ORC1: variants seen among roughly 807,000 people sequenced by gnomAD.
ORC1 encodes origin recognition complex subunit 1.
A neutral mutation model predicts 98.9 loss-of-function variants in ORC1; 61 were observed. That is an observed-to-expected ratio of 0.62 (90% CI 0.50 to 0.76). ORC1 has a LOEUF of 0.76. Ranked by LOEUF, ORC1 falls within the 30% of genes least tolerant of loss-of-function variation. ORC1 has a pLI of 0.00. For missense variants in ORC1, 979 were observed against 1,072.2 expected (o/e 0.91, Z 1.21); for synonymous variants, 385 against 406.9 (o/e 0.95, Z 0.65).
chr1:52,393,810 G>A lies in ORC1; in HGVS notation c.722-7C>T, dbSNP rs746570056. 2 of 1,611,370 alleles carry A rather than the reference G, an allele frequency of 1.2e-6. No homozygotes were observed. The highest frequency in any genetic ancestry group is 1.7e-6 in the Non-Finnish European group (2 of 1,179,950). ...ATCTGAGGGTTACCTAAGTCTAAGA[G>A]AAATCATCACAATGTGTAAATTTTT... On this transcript the variant is annotated splice_polypyrimidine_tract_variant and splice_region_variant and intron_variant, in intron 5 of 16. Coordinates refer to ENST00000371568, the MANE Select transcript of ORC1 (RefSeq NM_004153.4).
upstream of ORC1, chr1:52,404,899 G>A (rs1647927957): frequency 6.2e-7 from 1 of 1,612,296 alleles, no homozygotes; most frequent in Non-Finnish European, 8.5e-7. Flanking sequence ...AGCGCGCGGA[G>A]CGCCTCTCAG....
chr1:52,399,573 G>A (rs1360927183), intron 3 of ORC1, among the ~76,000 whole-genome samples: 3 of 143,622 alleles, frequency 2.1e-5, no homozygotes, highest in African/African-American at 5.3e-5. Flanking sequence ...GCAGTGAGCC[G>A]AGATGGCGCC....
rs2147937505 is a variant in ORC1, at chr1:52,393,492, A to G, written c.1033T>C (p.Ser345Pro). Residue 345 changes from serine (S) to proline (P), a missense_variant, in exon 6 of 17, where the codon TCT (serine) becomes CCT (proline). Physicochemically the swap from Ser to Pro is moderately conservative, Grantham distance 74. Transcript: ENST00000371568. The part of the protein sequence containing the change: ...TLTPISGGQR[S>P]SVVPSVILKP... ...AGAATCACGGATGGCACCACTGAAG[A>G]TCTCTGTCCCCCACTGATAGGGGTA... 1 of 1,614,138 alleles carries G rather than the reference A, an allele frequency of 6.2e-7. No individual in the cohort carries two copies. The highest frequency in any genetic ancestry group is 8.5e-7 in the Non-Finnish European group (1 of 1,180,022).
intron 4 of ORC1, 24 bp from the exon 5 acceptor site, chr1:52,396,388 G>A (rs768135285): frequency 1.2e-6 from 2 of 1,613,946 alleles, no homozygotes; most frequent in South Asian, 2.2e-5. Flanking sequence ...GTATAGATAA[G>A]TAGGAAGAGA....
At chr1:52,401,550 C>G in intron 2 of ORC1, 61 bp from the exon 3 acceptor site, 1 of 1,590,626 alleles carries the variant, frequency 6.3e-7, no homozygotes, top group Non-Finnish European at 8.6e-7. Flanking sequence ...CTCTTCAGAT[C>G]CCCTGGGCAC....
chr1:52,399,623 C>CAAAAAAAAAA (rs1198516466), intron 3 of ORC1, among the ~76,000 whole-genome samples: 6 of 64,062 alleles, frequency 9.4e-5, no homozygotes, highest in Admixed American at 3.8e-4. Flanking sequence ...GACTCTGTCT[C>CAAAAAAAAAA]AAAAAAAAAA....
chr1:52,394,709 C>T (rs1349803383), intron 5 of ORC1, among the ~76,000 whole-genome samples: 1 of 152,138 alleles, frequency 6.6e-6, no homozygotes, highest in Non-Finnish European at 1.5e-5. Context: ...AGTGCAATAG[C>T]GTGATCTCAG....
At chr1:52,390,121 T>C (rs903259810) in intron 6 of ORC1, among the ~76,000 whole-genome samples, 1 of 152,168 alleles carries the variant, frequency 6.6e-6, no homozygotes, top group East Asian at 1.9e-4. Context: ...GCAAAAGCAA[T>C]CTACAGATTC....
At position 52,385,247 on chromosome 1, in the gene ORC1, A is replaced by G; in HGVS notation, c.1497T>C (p.Ala499=). 1.2e-6 allele frequency: 2 copies of G among 1,613,026 alleles called. No homozygotes were observed. The highest frequency in any genetic ancestry group is 2.2e-5 in the South Asian group (2 of 91,066). Residue 499 remains alanine (A), a synonymous_variant, in exon 10 of 17, where the codon GCT becomes GCC. Coordinates refer to ENST00000371568, the MANE Select transcript of ORC1 (RefSeq NM_004153.4). ...CCCGACAGGGAAGAGACTCAGGTAC[A>G]GCAGAAACATGCAGCCTACCATTGG... ...EEARLRLHVS[A]VPESLPCREQ...
At chr1:52,396,500 A>G (rs1023389761) in intron 4 of ORC1, 136 bp from the exon 5 acceptor site, 2 of 1,001,572 alleles carry the variant, frequency 2.0e-6, no homozygotes, top group South Asian at 1.4e-5. Flanking sequence ...CTAAAGACGC[A>G]TAGACATGGC....
Position 52,383,898 on chromosome 1 carries a change from C to T in ORC1, c.1795G>A (p.Glu599Lys). Residue 599 changes from glutamate to lysine, a missense_variant, in exon 12 of 17, where the codon GAA becomes AAA. By Grantham distance (56) the Glu-to-Lys change is moderately conservative (BLOSUM62 1). Transcript: ENST00000371568. The stretch of plus-strand genomic sequence containing the variant: ...GTGCAGAATTGCTTTGCCAGCAGTT[C>T]TGCCGCATGGTTGGCTGTTGCTTTT... ...GQKATANHAA[E>K]LLAKQFCTRG... 6.2e-7 allele frequency: 1 copy of T among 1,614,204 alleles called. No individual in the cohort carries two copies. Among genetic ancestry groups the T allele is most frequent in the East Asian group, 2.2e-5 (1 of 44,880 alleles).
In ORC1 at chr1:52,374,846, G is replaced by T; in HGVS notation, c.2355C>A (p.Phe785Leu). The change falls in exon 16 of 17, where the codon TTC (phenylalanine) becomes TTA (leucine). Residue 785 changes from phenylalanine (F) to leucine (L), a missense_variant. By Grantham distance (22) the Phe-to-Leu change is conservative (BLOSUM62 0). Transcript: ENST00000371568. The part of the protein sequence containing the change: ...QSFLRAILAE[F>L]RRSGLEEATF... ...TGGCTTCCTCCAGTCCTGATCGACG[G>T]AACTCTGCGAGGATGGCTCTCAGGA... is the stretch of plus-strand genomic sequence containing the variant. 6.2e-7 allele frequency: 1 copy of T among 1,613,910 alleles called. No homozygotes were observed.
At chr1:52,389,461 C>T (rs1160379151) in intron 6 of ORC1, 140 bp from the exon 7 acceptor site, 1 of 684,740 alleles carries the variant, frequency 1.5e-6, no homozygotes, top group African/African-American at 1.8e-5. Context: ...TTTCTTTCTG[C>T]TAAAAAGTTG....
At position 52,373,212 on chromosome 1, in the gene ORC1, T is replaced by A; in HGVS notation, c.2555A>T (p.Asp852Val). 1 of 1,614,168 alleles carries A rather than the reference T, an allele frequency of 6.2e-7. No homozygotes were observed. The highest frequency in any genetic ancestry group is 8.5e-7 in the Non-Finnish European group (1 of 1,180,026). Reference protein sequence around the residue: ...LLRVRLNVSQDDVLYALKDE With the variant: ...LLRVRLNVSQVDVLYALKDE ...GTCTTTCAGCGCATACAGCACATCA[T>A]CCTGGCTGACGTTGAGCCGCACCCG... is the stretch of plus-strand genomic sequence containing the variant. Residue 852 changes from aspartate (D) to valine (V), a missense_variant, in exon 17 of 17, where the codon GAT (aspartate) becomes GTT (valine). By Grantham distance (152) the Asp-to-Val change is radical. Transcript: ENST00000371568.
At chr1:52,407,137 C>T (rs930488503), upstream of ORC1, among the ~76,000 whole-genome samples, 45 of 152,192 alleles carry the variant, frequency 3.0e-4, no homozygotes, top group African/African-American at 9.4e-4. Flanking sequence ...CCTGCCTCAG[C>T]CTCCCAAGTA....
intron 7 of ORC1, 149 bp from the exon 8 acceptor site, chr1:52,388,786 C>T: frequency 2.9e-6 from 2 of 692,014 alleles, no homozygotes; most frequent in Non-Finnish European, 5.1e-6. Context: ...CTGTTAGGAG[C>T]ATTATTTATA....
At chr1:52,400,878 C>T (rs1269841306) in intron 3 of ORC1, among the ~76,000 whole-genome samples, 3 of 152,190 alleles carry the variant, frequency 2.0e-5, no homozygotes, top group Admixed American at 6.5e-5. Context: ...CACACAAGTT[C>T]CTCTGGGTAA....
At chr1:52,375,655 ATT>A in intron 14 of ORC1, 56 bp from the exon 15 acceptor site, 1 of 1,542,846 alleles carries the variant, frequency 6.5e-7, no homozygotes, top group African/African-American at 1.4e-5. Context: ...GAACCAAGAG[ATT>A]CTTGGTAGTG....
intron 6 of ORC1, among the ~76,000 whole-genome samples, chr1:52,390,431 A>G (rs764213697): frequency 3.9e-5 from 6 of 152,234 alleles, no homozygotes; most frequent in Admixed American, 6.5e-5. Flanking sequence ...AAAGCAAACA[A>G]AAACATAAAG....
Sources: allele counts gnomAD v4.1 joint callset (sites outside exome capture counted in the v4.1 genomes callset), GRCh38; gene constraint gnomAD v4.1.1; transcripts MANE v1.5; gene names NCBI Gene and HGNC (gene_info 2026-07-23, HGNC 2026-07-21).